FTCDNL1: variants seen among roughly 807,000 people sequenced by gnomAD.
FTCDNL1 encodes formiminotransferase N-terminal subdomain-containing protein.
A neutral mutation model predicts 5.9 loss-of-function variants in FTCDNL1; 11 were observed. The observed-to-expected ratio is 1.87, with a 90% CI of 1.18 to 3.10. The LOEUF (loss-of-function observed/expected upper bound fraction) is 3.10. FTCDNL1 is among the 30% of genes most tolerant of loss of function. The probability of loss-of-function intolerance (pLI) is 0.00; values close to 1 mark genes in which losing one functional copy is unlikely to be tolerated. For missense variants in FTCDNL1, 115 were observed against 65.5 expected (o/e 1.76, Z -2.61); for synonymous variants, 58 against 24.8 (o/e 2.34, Z -3.99).
chr2:199,715,130 C>T, the FTCDNL1 span, among the ~76,000 whole-genome samples: 3 of 151,998 alleles, frequency 2.0e-5, no homozygotes, highest in African/African-American at 4.8e-5. Flanking sequence ...AAAAAAGCTG[C>T]CACAGCAGCC....
At chr2:199,734,278 A>G in the FTCDNL1 span, among the ~76,000 whole-genome samples, 2 of 152,150 alleles carry the variant, frequency 1.3e-5, no homozygotes, top group African/African-American at 2.4e-5. Flanking sequence ...CAGATTAACC[A>G]TTTTGCTTTA....
intron 3 of FTCDNL1, among the ~76,000 whole-genome samples, chr2:199,786,305 AG>A (rs1699646181): frequency 1.3e-5 from 2 of 151,996 alleles, no homozygotes; most frequent in South Asian, 4.1e-4. Context: ...AACTTTAAAA[AG>A]GGGTGTCACT....
intron 3 of FTCDNL1, among the ~76,000 whole-genome samples, chr2:199,826,896 G>GA (rs892622788): frequency 1.1e-4 from 17 of 152,098 alleles, no homozygotes; most frequent in Non-Finnish European, 2.5e-4. Flanking sequence ...AATTTTAATA[G>GA]AAAAAAATCC....
At chr2:199,771,315 C>T (rs1698798614) in intron 3 of FTCDNL1, among the ~76,000 whole-genome samples, 1 of 152,176 alleles carries the variant, frequency 6.6e-6, no homozygotes, top group South Asian at 2.1e-4. Context: ...TATTCTACCC[C>T]TTCCCATATC....
the FTCDNL1 span, among the ~76,000 whole-genome samples, chr2:199,712,390 T>C: frequency 1.3e-5 from 2 of 152,292 alleles, no homozygotes; most frequent in African/African-American, 4.8e-5. Context: ...TGTGCAAAAA[T>C]ATATAGTTCA....
the FTCDNL1 span, among the ~76,000 whole-genome samples, chr2:199,676,876 G>A: frequency 3.3e-5 from 5 of 152,202 alleles, 1 homozygote; most frequent in African/African-American, 9.6e-5. Flanking sequence ...TTTTGGGTCC[G>A]ACAAACAAAA....
the FTCDNL1 span, among the ~76,000 whole-genome samples, chr2:199,699,515 G>A: frequency 6.6e-6 from 1 of 151,900 alleles, no homozygotes; most frequent in Non-Finnish European, 1.5e-5. Context: ...AAACATCAAG[G>A]AGGAGGGGAG....
chr2:199,771,403 C>A (rs1398525542), intron 3 of FTCDNL1, among the ~76,000 whole-genome samples: 1 of 152,104 alleles, frequency 6.6e-6, no homozygotes. Flanking sequence ...CCAGTTGACT[C>A]ATGGAATTGA....
At chr2:199,744,179 C>G in the FTCDNL1 span, among the ~76,000 whole-genome samples, 1 of 152,124 alleles carries the variant, frequency 6.6e-6, no homozygotes, top group Non-Finnish European at 1.5e-5. Context: ...AGAGATGCCC[C>G]CTCCGTGCTG....
At chr2:199,719,647 T>C in the FTCDNL1 span, among the ~76,000 whole-genome samples, 11 of 152,044 alleles carry the variant, frequency 7.2e-5, no homozygotes, top group African/African-American at 2.2e-4. Flanking sequence ...TTGTTGTTGT[T>C]GTTTTTAGAC....
the FTCDNL1 span, among the ~76,000 whole-genome samples, chr2:199,714,533 G>A: frequency 1.2e-4 from 18 of 152,262 alleles, no homozygotes; most frequent in African/African-American, 4.3e-4. Context: ...AGGCAAGTAT[G>A]GGAGGTTAAT....
At chr2:199,711,692 A>G in the FTCDNL1 span, among the ~76,000 whole-genome samples, 5 of 152,106 alleles carry the variant, frequency 3.3e-5, no homozygotes, top group Admixed American at 2.0e-4. Context: ...TTTTAAAGGG[A>G]CTGTTGAAAA....
At chr2:199,723,730 A>C in the FTCDNL1 span, among the ~76,000 whole-genome samples, 1 of 152,212 alleles carries the variant, frequency 6.6e-6, no homozygotes, top group Non-Finnish European at 1.5e-5. Flanking sequence ...CCCAGGGATA[A>C]AGCCAACTTG....
chr2:199,686,928 A>C, the FTCDNL1 span, among the ~76,000 whole-genome samples: 1 of 152,350 alleles, frequency 6.6e-6, no homozygotes, highest in East Asian at 1.9e-4. Flanking sequence ...AGTATTAAGA[A>C]TCTGACTTAT....
At chr2:199,737,681 G>T in the FTCDNL1 span, among the ~76,000 whole-genome samples, 1 of 152,176 alleles carries the variant, frequency 6.6e-6, no homozygotes, top group Non-Finnish European at 1.5e-5. Flanking sequence ...CACAGAGCTG[G>T]CTTCATAGGC....
At chr2:199,702,622 T>A in the FTCDNL1 span, among the ~76,000 whole-genome samples, 76 of 152,336 alleles carry the variant, frequency 5.0e-4, no homozygotes, top group African/African-American at 1.7e-3. Flanking sequence ...GCTGCCTCTA[T>A]GCATCAGTTG....
intron 3 of FTCDNL1, among the ~76,000 whole-genome samples, chr2:199,786,910 T>C (rs1212268968): frequency 6.6e-6 from 1 of 152,206 alleles, no homozygotes; most frequent in Admixed American, 6.5e-5. Flanking sequence ...CTGGGCTCCA[T>C]TCCTCTATGG....
chr2:199,757,600 C>T (rs988925275), downstream of FTCDNL1, among the ~76,000 whole-genome samples: 13 of 152,168 alleles, frequency 8.5e-5, no homozygotes, highest in African/African-American at 3.1e-4. Context: ...ATTGAAAATC[C>T]TAGTCCTGAC....
the FTCDNL1 span, among the ~76,000 whole-genome samples, chr2:199,694,005 G>A: frequency 3.9e-5 from 6 of 152,188 alleles, no homozygotes; most frequent in African/African-American, 1.4e-4. Context: ...TTTGTAGATT[G>A]GCCTGACAGC....
Sources: gnomAD v4.1 joint callset for allele counts (sites outside exome capture counted in the v4.1 genomes callset) on GRCh38, gnomAD v4.1.1 for gene constraint, MANE v1.5 for transcripts, NCBI Gene and HGNC (gene_info 2026-07-23, HGNC 2026-07-21) for gene names.